The following SRGAP3 variants were observed in gnomAD, a reference collection of about 807,000 sequenced individuals.
The protein encoded by SRGAP3 is SLIT-ROBO Rho GTPase activating protein 3.
In SRGAP3, 39 loss-of-function variants were observed where a neutral mutation model predicts 121.1. The observed-to-expected ratio is 0.32, with a 90% CI of 0.25 to 0.42. The LOEUF is 0.42. Among genes scored for constraint, SRGAP3 ranks in the 10% least tolerant of loss-of-function variants. The pLI, the probability that SRGAP3 is intolerant of heterozygous loss-of-function variation, is 1.00. For synonymous variants in SRGAP3, 601 were observed against 570.0 expected, an observed-to-expected ratio of 1.05 and a Z score of -0.77; for missense variants, 1,213 against 1,470.6, an observed-to-expected ratio of 0.82 and a Z score of 2.86.
chr3:9,267,321 A>C (rs1396449918), intron 3 of SRGAP3, among the ~76,000 whole-genome samples: 1 of 151,572 alleles, frequency 6.6e-6, no homozygotes, highest in African/African-American at 2.4e-5. Flanking sequence ...ATGCTTTCAG[A>C]TATTAACAAA....
intron 5 of SRGAP3, among the ~76,000 whole-genome samples, chr3:9,063,119 A>G (rs1262878361): frequency 6.8e-6 from 1 of 147,756 alleles, no homozygotes; most frequent in Non-Finnish European, 1.5e-5. Context: ...AATAATAGAG[A>G]CAATCTTTTT....
At chr3:9,288,419 G>A (rs980168157) in intron 3 of SRGAP3, among the ~76,000 whole-genome samples, 5 of 151,792 alleles carry the variant, frequency 3.3e-5, no homozygotes, top group African/African-American at 7.3e-5. Context: ...TTGCAGGCAT[G>A]AGCCACCACA....
chr3:9,001,551 A>G (rs1942770513), intron 18 of SRGAP3, among the ~76,000 whole-genome samples: 1 of 152,234 alleles, frequency 6.6e-6, no homozygotes, highest in African/African-American at 2.4e-5. Flanking sequence ...ACAGAAAACA[A>G]GAAGTAAAAT....
chr3:9,013,692 A>C (rs1257296597), intron 16 of SRGAP3, 45 bp downstream of exon 16: 1 of 1,603,372 alleles, frequency 6.2e-7, no homozygotes, highest in Non-Finnish European at 8.5e-7. Flanking sequence ...CTCCCAAAAG[A>C]GGCCAGGCCT....
chr3:9,242,960 C>T (rs1381307536), intron 1 of SRGAP3, among the ~76,000 whole-genome samples: 5 of 152,192 alleles, frequency 3.3e-5, no homozygotes, highest in African/African-American at 9.7e-5. Flanking sequence ...GCTGGGACTA[C>T]AGACATGAAC....
Position 9,249,412 on chromosome 3 carries a change from TCACA to T in SRGAP3, c.-465_-462del. 1 of 262,582 alleles carries T rather than the reference TCACA, an allele frequency of 3.8e-6. No individual in the cohort carries two copies. The highest frequency in any genetic ancestry group is 7.4e-6 in the Non-Finnish European group (1 of 135,342). 16.3% of individuals were successfully genotyped at this position (262,582 alleles called of 1,614,324 possible). A position where few individuals can be genotyped will look rare whatever the true frequency, so the allele number is the denominator to read the frequency against. ...CACGCACACACACTCGCTGGATCAC[TCACA>T]CACACACATCCACGAGAGGCGCGGC... On this transcript the variant is annotated 5_prime_UTR_variant, in exon 1 of 22. The change creates a premature stop within an existing upstream ORF in the 5' untranslated region. Coordinates refer to ENST00000383836, the MANE Select transcript of SRGAP3 (RefSeq NM_014850.4).
At chr3:9,271,310 G>A (rs999524584) in intron 3 of SRGAP3, among the ~76,000 whole-genome samples, 7 of 152,130 alleles carry the variant, frequency 4.6e-5, no homozygotes, top group African/African-American at 1.7e-4. Context: ...CTCCAGCCTG[G>A]GCAATAGAGC....
intron 2 of SRGAP3, among the ~76,000 whole-genome samples, chr3:9,326,543 G>A (rs1356919028): frequency 6.6e-6 from 1 of 151,774 alleles, no homozygotes; most frequent in African/African-American, 2.4e-5. Flanking sequence ...TTAAGGACTT[G>A]GGAAGGATAA....
chr3:9,118,904 A>C (rs1256071532), intron 2 of SRGAP3, among the ~76,000 whole-genome samples: 2 of 152,246 alleles, frequency 1.3e-5, no homozygotes, highest in Admixed American at 6.5e-5. Context: ...CACTGAGCTA[A>C]GGCAGCCAGA....
At chr3:9,074,841 T>C (rs1946885778) in intron 4 of SRGAP3, among the ~76,000 whole-genome samples, 1 of 152,226 alleles carries the variant, frequency 6.6e-6, no homozygotes, top group Non-Finnish European at 1.5e-5. Flanking sequence ...AGGGTCTACC[T>C]GTGACCAGCT....
chr3:9,133,049 TATAG>T (rs1352832026), intron 1 of SRGAP3, among the ~76,000 whole-genome samples: 9 of 148,756 alleles, frequency 6.1e-5, no homozygotes, highest in South Asian at 4.2e-4. Context: ...TGATATATTA[TATAG>T]ATCTATATAT....
intron 9 of SRGAP3, 66 bp downstream of exon 9, chr3:9,052,961 G>C (rs1945653621): frequency 2.5e-6 from 4 of 1,589,636 alleles, no homozygotes; most frequent in Non-Finnish European, 3.4e-6. Flanking sequence ...AGCTTGGGTT[G>C]CTCCTGAAAA....
intron 1 of SRGAP3, among the ~76,000 whole-genome samples, chr3:9,331,748 C>T (rs1164032982): frequency 6.6e-6 from 1 of 152,130 alleles, no homozygotes; most frequent in East Asian, 1.9e-4. Context: ...AACCCCTGTC[C>T]AAGACCACCA....
At chr3:9,245,460 C>A (rs4684630) in intron 1 of SRGAP3, among the ~76,000 whole-genome samples, 85,793 of 152,006 alleles carry the variant, frequency 0.56, 25,008 homozygotes, top group Non-Finnish European at 0.62. Context: ...GGTAGCGAAC[C>A]ATCCTATTAT....
At chr3:9,125,448 T>C (rs1949186749) in intron 1 of SRGAP3, among the ~76,000 whole-genome samples, 1 of 152,236 alleles carries the variant, frequency 6.6e-6, no homozygotes, top group Admixed American at 6.5e-5. Context: ...AGTGTGACTT[T>C]CTCCATGTGT....
chr3:9,306,244 A>G (rs1955159398), intron 3 of SRGAP3, among the ~76,000 whole-genome samples: 1 of 152,090 alleles, frequency 6.6e-6, no homozygotes, highest in African/African-American at 2.4e-5. Context: ...TCCTTTGCCC[A>G]CTTTTTGATG....
intron 17 of SRGAP3, 73 bp from the exon 18 acceptor site, chr3:9,010,460 C>T (rs766325799): frequency 1.4e-5 from 22 of 1,575,962 alleles, no homozygotes; most frequent in Non-Finnish European, 1.9e-5. Context: ...GCCTCTCATG[C>T]CAGTCCAGTT....
At chr3:9,296,263 G>A (rs1954953539) in intron 3 of SRGAP3, among the ~76,000 whole-genome samples, 1 of 152,146 alleles carries the variant, frequency 6.6e-6, no homozygotes, top group African/African-American at 2.4e-5. Context: ...CAACAGCAAT[G>A]CGCAAGGGTT....
chr3:9,037,807 G>C (rs932160350), intron 11 of SRGAP3: 2 of 580,820 alleles, frequency 3.4e-6, no homozygotes, highest in African/African-American at 1.9e-5. Context: ...CGCAAAGGGA[G>C]GGTGCCCCAC....
Sources: allele counts gnomAD v4.1 joint callset (sites outside exome capture counted in the v4.1 genomes callset), GRCh38; gene constraint gnomAD v4.1.1; transcripts MANE v1.5; gene names NCBI Gene and HGNC (gene_info 2026-07-23, HGNC 2026-07-21).